Variants in F9 observed in about 807,000 individuals in gnomAD.
F9 encodes the protein coagulation factor IX.
A neutral mutation model predicts 34.1 loss-of-function variants in F9; 2 were observed. The ratio of observed to expected loss-of-function variants is 0.06; its 90% CI spans 0.02 to 0.18. The LOEUF (loss-of-function observed/expected upper bound fraction) is 0.18, where lower values mean the gene tolerates loss of function less well. Ranked by LOEUF, F9 falls within the 10% of genes least tolerant of loss-of-function variation. The pLI is 1.00. For missense variants in F9, 216 were observed against 345.1 expected (o/e 0.63, Z 2.96); for synonymous variants, 137 against 118.8 (o/e 1.15, Z -1.00).
chrX:139,532,411 T>C (rs1489065595), intron 1 of F9, among the ~76,000 whole-genome samples: 1 of 111,870 alleles, frequency 8.9e-6, no homozygotes, highest in African/African-American at 3.2e-5. Context: ...TTGCAACAGT[T>C]TGGAATTTTG....
At chrX:139,552,275 C>G in intron 6 of F9, among the ~76,000 whole-genome samples, 1 of 112,354 alleles carries the variant, frequency 8.9e-6, no homozygotes. Context: ...AAATAATGCA[C>G]TTGTACCTAG....
At position 139,548,508 on chromosome X, in the gene F9, G is replaced by A. The variant is rs776499043; in HGVS notation, c.520+17G>A. 1 of 1,198,105 alleles carries A rather than the reference G, an allele frequency of 8.3e-7. No homozygotes were observed. Among genetic ancestry groups the A allele is most frequent in the African/African-American group, 1.8e-5 (1 of 56,944 alleles). On this transcript the variant is annotated intron_variant, in intron 5 of 7. Transcript: ENST00000218099. ...AACCAGCAGGTCATAATCTGAATAA[G>A]ATTTTTTAAAGAAAATCTGTATCTG...
intron 6 of F9, among the ~76,000 whole-genome samples, chrX:139,557,883 C>T (rs2148365860): frequency 8.9e-6 from 1 of 112,467 alleles, no homozygotes; most frequent in South Asian, 3.7e-4. Flanking sequence ...ACAGCCAGAG[C>T]ATGTGCTACC....
chrX:139,531,865 TA>T (rs201797372), intron 1 of F9, among the ~76,000 whole-genome samples: 94 of 109,809 alleles, frequency 8.6e-4, no homozygotes, highest in African/African-American at 2.5e-3. Context: ...GAAATAACGA[TA>T]AAAAAAAATA....
chrX:139,534,813 T>C (rs1397824231), intron 1 of F9, among the ~76,000 whole-genome samples: 1 of 111,481 alleles, frequency 9.0e-6, no homozygotes, highest in Non-Finnish European at 1.9e-5. Flanking sequence ...CAGGCATGGA[T>C]GCTATTTAGG....
chrX:139,534,407 T>C (rs1927408407), intron 1 of F9, among the ~76,000 whole-genome samples: 1 of 112,087 alleles, frequency 8.9e-6, no homozygotes, highest in African/African-American at 3.2e-5. Context: ...CCTATTTCTG[T>C]CTGATCTGAT....
chrX:139,535,214 C>T (rs1303626826), intron 1 of F9, among the ~76,000 whole-genome samples: 1 of 111,140 alleles, frequency 9.0e-6, no homozygotes, highest in African/African-American at 3.3e-5. Context: ...CAAAAATTAG[C>T]TGGGCATGGT....
chrX:139,556,914 G>C (rs1239429935), intron 6 of F9, among the ~76,000 whole-genome samples: 5 of 112,112 alleles, frequency 4.5e-5, no homozygotes, highest in African/African-American at 1.6e-4. Flanking sequence ...GTACAACTTG[G>C]GTGGGTAAGT....
At chrX:139,546,588 G>C (rs1453598207) in intron 4 of F9, among the ~76,000 whole-genome samples, 1 of 111,626 alleles carries the variant, frequency 9.0e-6, no homozygotes, top group African/African-American at 3.2e-5. Context: ...TGTACATATA[G>C]AAAACCCAAA....
chrX:139,555,125 G>T (rs1395209730), intron 6 of F9, among the ~76,000 whole-genome samples: 1 of 112,260 alleles, frequency 8.9e-6, no homozygotes, highest in East Asian at 2.8e-4. Flanking sequence ...GGTTACGCAG[G>T]TTGGGCAGCA....
chrX:139,530,786 A>G lies in F9; in HGVS notation c.22A>G (p.Met8Val), dbSNP rs746835466. The G allele has an allele frequency of 3.3e-6, 4 of 1,211,334 alleles. No homozygotes were observed. Among genetic ancestry groups the G allele is most frequent in the Non-Finnish European group, 4.5e-6 (4 of 894,898 alleles). The part of the protein sequence containing the change: MQRVNMI[M>V]AESPGLITIC... ...GGTTATGCAGCGCGTGAACATGATC[A>G]TGGCAGAATCACCAGGCCTCATCAC... is the stretch of plus-strand genomic sequence containing the variant. The change falls in exon 1 of 8, where the codon ATG becomes GTG. Residue 8 changes from methionine to valine, a missense_variant. Around this residue, in one of 2 missense-constraint regions of F9, gnomAD observed 39 missense variants for 33.3 expected, o/e 1.17. Coordinates refer to ENST00000218099, the MANE Select transcript of F9 (RefSeq NM_000133.4).
At chrX:139,538,375 G>A (rs1927531389) in intron 3 of F9, among the ~76,000 whole-genome samples, 1 of 111,045 alleles carries the variant, frequency 9.0e-6, no homozygotes, top group Non-Finnish European at 1.9e-5. Flanking sequence ...TTTGAGGGAG[G>A]GTAAGTTTCA....
In F9 at chrX:139,561,500, T is replaced by TA. The variant is rs773613916; in HGVS notation, c.839-20dup. 0.012 allele frequency: 14,179 copies of TA among 1,186,263 alleles called. 74 individuals are homozygous for TA. The highest frequency in any genetic ancestry group is 0.014 in the Non-Finnish European group (12,431 of 875,823). The stretch of plus-strand genomic sequence containing the variant: ...TGTATGTGAAATACTGTTTGTGACT[T>TA]AAAATGAAATTTATTTTTAATAGGT... On this transcript the variant is annotated intron_variant, in intron 7 of 7. Coordinates refer to ENST00000218099, the MANE Select transcript of F9 (RefSeq NM_000133.4).
chrX:139,561,876 T>C lies in F9; in HGVS notation c.1191T>C (p.Ala397=), dbSNP rs777757344. The C allele has an allele frequency of 8.3e-7, 1 of 1,211,926 alleles. No individual in the cohort carries two copies. The highest frequency in any genetic ancestry group is 1.1e-6 in the Non-Finnish European group (1 of 895,549). Reference sequence around the variant, plus strand: ...CCATCTATAACAACATGTTCTGTGCTGGCTTCCATGAAGGAGGTAGAGATT... The same window carrying C: ...CCATCTATAACAACATGTTCTGTGCCGGCTTCCATGAAGGAGGTAGAGATT... ...KFTIYNNMFC[A]GFHEGGRDSC... The change falls in exon 8 of 8, where the codon GCT becomes GCC. Residue 397 remains alanine, a synonymous_variant. Coordinates refer to ENST00000218099, the MANE Select transcript of F9 (RefSeq NM_000133.4).
chrX:139,536,023 C>A (rs1398057925), intron 1 of F9, among the ~76,000 whole-genome samples: 2 of 109,027 alleles, frequency 1.8e-5, no homozygotes, highest in Non-Finnish European at 3.8e-5. Flanking sequence ...AGAAAAGGTA[C>A]AGTGAAAATA....
intron 3 of F9, 53 bp from the exon 4 acceptor site, chrX:139,541,023 C>A: frequency 1.1e-6 from 1 of 913,360 alleles, no homozygotes; most frequent in Non-Finnish European, 1.6e-6. Context: ...AGGGGAGGAC[C>A]GGGCATTCTA....
intron 4 of F9, 29 bp from the exon 5 acceptor site, chrX:139,548,334 G>A (rs1183595565): frequency 8.3e-7 from 1 of 1,203,304 alleles, no homozygotes; most frequent in Non-Finnish European, 1.1e-6. Context: ...GTTAAATGAT[G>A]CTGTTACTGT....
Position 139,560,505 on chromosome X carries a change from G to A in F9, c.724-236G>A, listed in dbSNP as rs5954898. Among the ~76,000 whole-genome samples, 246 of 112,073 alleles carry A rather than the reference G, an allele frequency of 2.2e-3. 2 individuals carry two copies. Among genetic ancestry groups the A allele is most frequent in the African/African-American group, 7.4e-3 (229 of 30,879 alleles). The stretch of plus-strand genomic sequence containing the variant: ...GAAGCCATTCCTCAGATTTGCCTAA[G>A]CTTAAGCTTCCCTGTCTCTCATTGT... On this transcript the variant is annotated intron_variant, in intron 6 of 7. Coordinates refer to ENST00000218099, the MANE Select transcript of F9 (RefSeq NM_000133.4).
chrX:139,537,577 A>G (rs1927514090), intron 3 of F9, among the ~76,000 whole-genome samples, 191 bp downstream of exon 3: 1 of 111,490 alleles, frequency 9.0e-6, no homozygotes, highest in Admixed American at 9.5e-5. Flanking sequence ...TCGCTGGTAA[A>G]TAAGTTTAAT....
Sources: gnomAD v4.1 joint callset for allele counts (sites outside exome capture counted in the v4.1 genomes callset) on GRCh38, gnomAD v4.1.1 for gene constraint, gnomAD v4.1.1 regional missense constraint, MANE v1.5 for transcripts, NCBI Gene and HGNC (gene_info 2026-07-23, HGNC 2026-07-21) for gene names.